The following PMEL variants were observed in gnomAD, a reference collection of about 807,000 sequenced individuals.
PMEL encodes premelanosome protein.
A neutral mutation model predicts 64.9 loss-of-function variants in PMEL; 53 were observed. The ratio of observed to expected loss-of-function variants is 0.82; its 90% CI spans 0.66 to 1.03. The LOEUF is 1.03. Among genes scored for constraint, PMEL ranks in the 50% least tolerant of loss-of-function variants. The pLI is 0.00. For synonymous variants in PMEL, 299 were observed against 316.2 expected (o/e 0.95, Z 0.58); for missense variants, 716 against 814.9 (o/e 0.88, Z 1.48).
intron 5 of PMEL, 21 bp downstream of exon 5, chr12:55,957,902 T>G (rs1250331407): frequency 1.2e-6 from 2 of 1,613,432 alleles, no homozygotes; most frequent in Non-Finnish European, 1.7e-6. Context: ...CAACTGGCCT[T>G]GCCCCTTCCT....
In PMEL at chr12:55,957,303, C is replaced by T; in HGVS notation, c.1000G>A (p.Gly334Ser). 1 of 1,608,682 alleles carries T rather than the reference C, an allele frequency of 6.2e-7. No homozygotes were observed. Among genetic ancestry groups the T allele is most frequent in the South Asian group, 1.1e-5 (1 of 90,798 alleles). The change falls in exon 6 of 11, where the codon GGT becomes AGT. Residue 334 changes from glycine (G) to serine (S), a missense_variant. Coordinates refer to ENST00000548747, the MANE Select transcript of PMEL (RefSeq NM_001384361.1). Reference protein sequence around the residue: ...AGQVPTTEVVGTTPGQAPTAE... With the variant: ...AGQVPTTEVVSTTPGQAPTAE... ...GTTGGCGCCTGACCAGGTGTAGTAC[C>T]CACAACTTCTGTAGTAGGCACTTGG...
intron 3 of PMEL, 145 bp from the exon 4 acceptor site, chr12:55,958,752 G>T: frequency 2.4e-6 from 2 of 828,836 alleles, no homozygotes; most frequent in Non-Finnish European, 1.8e-6. Flanking sequence ...ATAACCATTT[G>T]GGGTGGTAGT....
At position 55,958,631 on chromosome 12, in the gene PMEL, T is replaced by G. The variant is rs768902114; in HGVS notation, c.335-24A>C. 4 of 1,603,260 alleles carry G rather than the reference T, an allele frequency of 2.5e-6. No individual in the cohort carries two copies. The South Asian group carries it at 4.5e-5, about 18-fold the overall frequency. On this transcript the variant is annotated intron_variant, in intron 3 of 10. Coordinates refer to ENST00000548747, the MANE Select transcript of PMEL (RefSeq NM_001384361.1). ...CCCTGAAAGATAAATACAGAGTCAC[T>G]CTCAAACCCTGGCATTCTTTTTTGT...
Position 55,957,149 on chromosome 12 carries a change from A to G in PMEL, c.1154T>C (p.Met385Thr), listed in dbSNP as rs964556479. 2.5e-6 allele frequency: 4 copies of G among 1,614,068 alleles called. No individual in the cohort carries two copies. The African/African-American group carries it at 4.0e-5, about 16-fold the overall frequency. ...TGACATCTCTGCCAGTGTGGTACCC[A>G]TGACCTCTGAAACTGGCACCTTCTC... ...TPEKVPVSEV[M>T]GTTLAEMSTP... The change falls in exon 6 of 11, where the codon ATG becomes ACG. Residue 385 changes from methionine (M) to threonine (T), a missense_variant. Transcript: ENST00000548747.
At position 55,957,352 on chromosome 12, in the gene PMEL, TGCAGTTGGCCTGTGCCCATCTGTG is replaced by T; in HGVS notation, c.927_950del (p.Thr310_Ala317del). The T allele has an allele frequency of 6.3e-7, 1 of 1,596,682 alleles. No homozygotes were observed. The highest frequency in any genetic ancestry group is 1.1e-5 in the South Asian group (1 of 88,390). Reference sequence around the variant, plus strand: ...GGCCAGCTGTGGTGTTAGGGGCCTCTGCAGTTGGCCTGTGCCCATCTGTGGTGCCTGGAACTGGGGAGGAGCCAC... The same window carrying T: ...GGCCAGCTGTGGTGTTAGGGGCCTCTGTGCCTGGAACTGGGGAGGAGCCAC... On this transcript the variant is annotated inframe_deletion, in exon 6 of 11. Coordinates refer to ENST00000548747, the MANE Select transcript of PMEL (RefSeq NM_001384361.1).
chr12:55,957,143 G>C lies in PMEL; in HGVS notation c.1160C>G (p.Thr387Ser), dbSNP rs754871832. The C allele has an allele frequency of 6.8e-6, 11 of 1,614,154 alleles. No individual in the cohort carries two copies. Among genetic ancestry groups the C allele is most frequent in the Non-Finnish European group, 9.3e-6 (11 of 1,180,006 alleles). The stretch of plus-strand genomic sequence containing the variant: ...TGGAGTTGACATCTCTGCCAGTGTG[G>C]TACCCATGACCTCTGAAACTGGCAC... ...EKVPVSEVMG[T>S]TLAEMSTPEA... The change falls in exon 6 of 11, where the codon ACC becomes AGC. Residue 387 changes from threonine (T) to serine (S), a missense_variant. Thr to Ser is a moderately conservative substitution (Grantham distance 58, BLOSUM62 1). Coordinates refer to ENST00000548747, the MANE Select transcript of PMEL (RefSeq NM_001384361.1).
At chr12:55,956,366 A>G (rs910870999) in intron 6 of PMEL, 147 bp from the exon 7 acceptor site, 2 of 603,946 alleles carry the variant, frequency 3.3e-6, no homozygotes, top group African/African-American at 1.8e-5. Context: ...GGGAAACCTT[A>G]TTCTATAGAT....
intron 10 of PMEL, 40 bp downstream of exon 10, chr12:55,955,234 A>C: frequency 7.3e-7 from 1 of 1,378,640 alleles, no homozygotes; most frequent in Non-Finnish European, 1.0e-6. Flanking sequence ...TAGTGATAAT[A>C]AGGGATAAGG....
At position 55,957,475 on chromosome 12, in the gene PMEL, G is replaced by A. The variant is rs1190211392; in HGVS notation, c.828C>T (p.Val276=). 4 of 1,613,968 alleles carry A rather than the reference G, an allele frequency of 2.5e-6. No homozygotes were observed. Among genetic ancestry groups the A allele is most frequent in the Admixed American group, 1.7e-5 (1 of 60,006 alleles). ...SGTLISRALV[V]THTYLEPGPV... ...GGCCAGGCTCCAGGTAAGTATGAGT[G>A]ACCACAAGTGCCCGAGAGATCAGGG... is the stretch of plus-strand genomic sequence containing the variant. Residue 276 remains valine, a synonymous_variant, in exon 6 of 11, where the codon GTC becomes GTT. Transcript: ENST00000548747.
Position 55,961,444 on chromosome 12 carries a change from C to T in PMEL, c.207G>A (p.Lys69=), listed in dbSNP as rs779243862. The change falls in exon 3 of 11, where the codon AAG becomes AAA. Residue 69 remains lysine, a synonymous_variant. Transcript: ENST00000548747. ...DCWRGGQVSL[K]VSNDGPTLIG... is the part of the protein sequence containing the mutation. Reference sequence around the variant, plus strand: ...TCAGTGTAGGCCCATCATTACTGACCTTGAGGGACACTTGACCACCTGGGA... The same window carrying T: ...TCAGTGTAGGCCCATCATTACTGACTTTGAGGGACACTTGACCACCTGGGA... 11 of 1,614,012 alleles carry T rather than the reference C, an allele frequency of 6.8e-6. No individual in the cohort carries two copies. The highest frequency in any genetic ancestry group is 2.2e-5 in the South Asian group (2 of 91,086).
rs748713829 is a variant in PMEL, at chr12:55,957,309, C to T, written c.994G>A (p.Val332Ile). Residue 332 changes from valine (V) to isoleucine (I), a missense_variant, in exon 6 of 11, where the codon GTT (valine) becomes ATT (isoleucine). Coordinates refer to ENST00000548747, the MANE Select transcript of PMEL (RefSeq NM_001384361.1). ...TTAGQVPTTE[V>I]VGTTPGQAPT... ...GCCTGACCAGGTGTAGTACCCACAA[C>T]TTCTGTAGTAGGCACTTGGCCAGCT... 170 of 1,607,014 alleles carry T rather than the reference C, an allele frequency of 1.1e-4. No homozygotes were observed. The highest frequency in any genetic ancestry group is 1.4e-4 in the Non-Finnish European group (161 of 1,175,198).
At position 55,961,607 on chromosome 12, in the gene PMEL, C is replaced by T; in HGVS notation, c.187+15G>A. 2 of 1,608,286 alleles carry T rather than the reference C, an allele frequency of 1.2e-6. No homozygotes were observed. The highest frequency in any genetic ancestry group is 1.7e-5 in the Admixed American group (1 of 59,996). Reference sequence around the variant, plus strand: ...ACTCCCACCATGCCCTCCCCTGGAACTTCCAAGTTCCTACCTCTCCAGCAG... The same window carrying T: ...ACTCCCACCATGCCCTCCCCTGGAATTTCCAAGTTCCTACCTCTCCAGCAG... On this transcript the variant is annotated intron_variant, in intron 2 of 10. Coordinates refer to ENST00000548747, the MANE Select transcript of PMEL (RefSeq NM_001384361.1).
In PMEL at chr12:55,958,018, A is replaced by G. The variant is rs1270480401; in HGVS notation, c.536T>C (p.Leu179Pro). Residue 179 changes from leucine to proline, a missense_variant, in exon 5 of 11, where the codon CTG becomes CCG. By Grantham distance (98) the Leu-to-Pro change is moderately conservative. Coordinates refer to ENST00000548747, the MANE Select transcript of PMEL (RefSeq NM_001384361.1). The stretch of plus-strand genomic sequence containing the variant: ...AGTCACTTCCATGGTGTGTGTGCCC[A>G]GCATTGCCCTGCCTGTCCCAATGCT... ...GLSIGTGRAM[L>P]GTHTMEVTVY... 3.1e-6 allele frequency: 5 copies of G among 1,614,244 alleles called. No homozygotes were observed. The East Asian group carries it at 8.9e-5, about 29-fold the overall frequency.
At chr12:55,965,828 G>T in intron 1 of PMEL, 108 bp downstream of exon 1, 1 of 1,342,240 alleles carries the variant, frequency 7.5e-7, no homozygotes, top group South Asian at 1.2e-5. Context: ...AAATGAGTGG[G>T]AGACGCCTGA....
chr12:55,961,098 G>A lies in PMEL; in HGVS notation c.334+219C>T, dbSNP rs539943118. On this transcript the variant is annotated intron_variant, in intron 3 of 10. Transcript: ENST00000548747. ...CAGGCGCCTGTAGTCCCAGCTACTCGGGAGGCTGAGGCAGGAGAATGGCGT... is the reference window on the plus strand; with the variant it reads ...CAGGCGCCTGTAGTCCCAGCTACTCAGGAGGCTGAGGCAGGAGAATGGCGT... The A allele has an allele frequency of 1.0e-3, 458 of 440,974 alleles. 1 individual carries two copies. Among genetic ancestry groups the A allele is most frequent in the Non-Finnish European group, 1.4e-3 (335 of 239,700 alleles). 27.3% of individuals were successfully genotyped at this position (440,974 alleles called of 1,614,324 possible).
chr12:55,966,081 C>T, upstream of PMEL: 1 of 1,612,424 alleles, frequency 6.2e-7, no homozygotes, highest in Non-Finnish European at 8.5e-7. Flanking sequence ...GAAAAGGGTG[C>T]TCATTTGCAT....
chr12:55,961,596 C>T, intron 2 of PMEL, 26 bp downstream of exon 2: 2 of 1,601,042 alleles, frequency 1.2e-6, no homozygotes, highest in Non-Finnish European at 1.7e-6. Context: ...CCACCATGCC[C>T]TCCCCTGGAA....
chr12:55,957,565 G>A lies in PMEL; in HGVS notation c.738C>T (p.Asp246=). The part of the protein sequence containing the change: ...QPLTFALQLH[D]PSGYLAEADL... ...CAGCTTCAGCCAGATAGCCACTGGG[G>A]TCATGGAGCTGGAGGGCAAAGGTCA... Residue 246 remains aspartate (D), a synonymous_variant, in exon 6 of 11, where the codon GAC becomes GAT. Transcript: ENST00000548747. 1 of 1,613,896 alleles carries A rather than the reference G, an allele frequency of 6.2e-7. No homozygotes were observed. Among genetic ancestry groups the A allele is most frequent in the South Asian group, 1.1e-5 (1 of 91,034 alleles).
chr12:55,960,357 C>T (rs987912824), intron 3 of PMEL, among the ~76,000 whole-genome samples: 1 of 151,642 alleles, frequency 6.6e-6, no homozygotes. Flanking sequence ...TTCTGCTGTC[C>T]TCCACTTTAG....
Sources: allele counts gnomAD v4.1 joint callset (sites outside exome capture counted in the v4.1 genomes callset), GRCh38; gene constraint gnomAD v4.1.1; transcripts MANE v1.5; gene names NCBI Gene and HGNC (gene_info 2026-07-23, HGNC 2026-07-21).